KALRN: variants seen among roughly 807,000 people sequenced by gnomAD.
KALRN encodes the protein kalirin RhoGEF kinase.
In KALRN, 70 loss-of-function variants were observed where a neutral mutation model predicts 353.7. The ratio of observed to expected loss-of-function variants is 0.20; its 90% CI spans 0.16 to 0.24. The LOEUF (loss-of-function observed/expected upper bound fraction) is 0.24. Ranked by LOEUF, KALRN falls within the 10% of genes least tolerant of loss-of-function variation. The pLI is 1.00. For synonymous variants in KALRN, 1,391 were observed against 1,434.8 expected (o/e 0.97, Z 0.69); for missense variants, 2,791 against 3,756.7 (o/e 0.74, Z 6.72).
chr3:124,599,853 T>TA (rs1296329522), intron 34 of KALRN, among the ~76,000 whole-genome samples: 6 of 152,342 alleles, frequency 3.9e-5, no homozygotes, highest in African/African-American at 1.4e-4. Flanking sequence ...CAATTTAACT[T>TA]ACAGCTTCAC....
At chr3:124,113,244 T>C (rs1003644525) in intron 1 of KALRN, among the ~76,000 whole-genome samples, 2 of 152,178 alleles carry the variant, frequency 1.3e-5, no homozygotes, top group African/African-American at 4.8e-5. Flanking sequence ...GCCAATAATA[T>C]CCTATGTTTA....
chr3:124,681,271 C>T (rs2150480770), intron 51 of KALRN, among the ~76,000 whole-genome samples: 1 of 152,322 alleles, frequency 6.6e-6, no homozygotes, highest in East Asian at 1.9e-4. Context: ...CATGTGTGTG[C>T]ATATACACAT....
At chr3:124,184,214 G>A (rs1436972610) in intron 1 of KALRN, among the ~76,000 whole-genome samples, 5 of 152,192 alleles carry the variant, frequency 3.3e-5, no homozygotes, top group African/African-American at 9.7e-5. Flanking sequence ...TAGTAGCTCT[G>A]TGACCTTGAG....
chr3:124,153,889 T>C (rs2068572117), intron 1 of KALRN, among the ~76,000 whole-genome samples: 1 of 152,094 alleles, frequency 6.6e-6, no homozygotes. Context: ...CATTTTTTCA[T>C]GTGTCTTTTG....
intron 41 of KALRN, among the ~76,000 whole-genome samples, chr3:124,658,195 TC>T (rs2084333251): frequency 6.6e-6 from 1 of 152,294 alleles, no homozygotes; most frequent in African/African-American, 2.4e-5. Context: ...CTTCTGCTCT[TC>T]CTTGAGTGAC....
chr3:124,178,197 G>A lies in KALRN; in HGVS notation c.74-49793G>A, dbSNP rs186934978. On this transcript the variant is annotated intron_variant, in intron 1 of 59. Transcript: ENST00000682506. ...AAATATAGTAGTTCCCCTTTTCTGCGGGTGATACTTTCCAAGAACTTCAGT... is the reference window on the plus strand; with the variant it reads ...AAATATAGTAGTTCCCCTTTTCTGCAGGTGATACTTTCCAAGAACTTCAGT... 2.7e-3 allele frequency among the ~76,000 whole-genome samples: 406 copies of A among 152,240 alleles called. 2 individuals carry two copies. Among genetic ancestry groups the A allele is most frequent in the Non-Finnish European group, 4.6e-3 (312 of 68,018 alleles).
At chr3:124,188,348 A>G (rs1017287957) in intron 1 of KALRN, among the ~76,000 whole-genome samples, 6 of 152,166 alleles carry the variant, frequency 3.9e-5, no homozygotes, top group African/African-American at 1.4e-4. Context: ...CAGCAAGAAA[A>G]TAGTCATGAG....
chr3:124,625,225 T>G (rs936052348), intron 34 of KALRN, among the ~76,000 whole-genome samples: 1 of 152,182 alleles, frequency 6.6e-6, no homozygotes, highest in African/African-American at 2.4e-5. Flanking sequence ...CAAGGTAACC[T>G]GCCCAGAGTC....
chr3:124,235,546 A>C (rs2079651717), intron 3 of KALRN, among the ~76,000 whole-genome samples: 1 of 152,124 alleles, frequency 6.6e-6, no homozygotes, highest in Non-Finnish European at 1.5e-5. Context: ...GAGAACCACA[A>C]GATGTGAGAG....
intron 1 of KALRN, among the ~76,000 whole-genome samples, chr3:124,085,295 A>G (rs1413906387): frequency 1.3e-5 from 2 of 152,202 alleles, no homozygotes; most frequent in Admixed American, 1.3e-4. Flanking sequence ...CTGGACAGTC[A>G]CTGCCCCTTG....
chr3:124,292,457 A>T (rs2076504860), intron 5 of KALRN, among the ~76,000 whole-genome samples: 1 of 152,136 alleles, frequency 6.6e-6, no homozygotes, highest in Non-Finnish European at 1.5e-5. Flanking sequence ...TGGGGAAGGG[A>T]GAGTCTGGAA....
intron 1 of KALRN, among the ~76,000 whole-genome samples, chr3:124,129,208 A>G (rs555712069): frequency 7.2e-4 from 109 of 152,296 alleles, no homozygotes; most frequent in African/African-American, 2.6e-3. Flanking sequence ...GTGCCCCAGC[A>G]TCATGGTGGC....
intron 1 of KALRN, among the ~76,000 whole-genome samples, chr3:124,222,841 G>A (rs2078067434): frequency 6.6e-6 from 1 of 152,078 alleles, no homozygotes; most frequent in African/African-American, 2.4e-5. Flanking sequence ...CTGGGCTCAA[G>A]TTGTCTGCCT....
At chr3:124,059,312 G>A (rs963218959) in intron 1 of KALRN, among the ~76,000 whole-genome samples, 1 of 151,904 alleles carries the variant, frequency 6.6e-6, no homozygotes. Flanking sequence ...TGTATTTATG[G>A]TATACAACAT....
At chr3:124,251,367 T>C (rs10446315) in intron 3 of KALRN, among the ~76,000 whole-genome samples, 18,047 of 126,244 alleles carry the variant, frequency 0.14, 1,245 homozygotes, top group East Asian at 0.37. Context: ...TTTTTTTTTT[T>C]TTTCTTTTTT....
At chr3:124,636,111 A>G (rs189202849) in intron 36 of KALRN, among the ~76,000 whole-genome samples, 1 of 152,338 alleles carries the variant, frequency 6.6e-6, no homozygotes, top group Admixed American at 6.5e-5. Flanking sequence ...TTCCTTAATT[A>G]TAATTATTTT....
intron 6 of KALRN, among the ~76,000 whole-genome samples, chr3:124,321,810 A>G (rs2079369034): frequency 6.6e-6 from 1 of 152,236 alleles, no homozygotes; most frequent in African/African-American, 2.4e-5. Flanking sequence ...AAGATGGGGC[A>G]GATAATGCAA....
chr3:124,541,639 C>A (rs2069043884), intron 33 of KALRN, among the ~76,000 whole-genome samples: 1 of 151,198 alleles, frequency 6.6e-6, no homozygotes. Flanking sequence ...GTAATCCCAG[C>A]ACTTTGGGAT....
intron 10 of KALRN, among the ~76,000 whole-genome samples, chr3:124,372,906 C>CGGTTTCAATGGTAAATTAGT (rs1553934403): frequency 6.6e-6 from 1 of 151,788 alleles, no homozygotes; most frequent in African/African-American, 2.4e-5. Context: ...CTTGGATGAG[C>CGGTTTCAATGGTAAATTAGT]GGTTTCAATG....
Sources: gnomAD v4.1 joint callset for allele counts (sites outside exome capture counted in the v4.1 genomes callset) on GRCh38, gnomAD v4.1.1 for gene constraint, MANE v1.5 for transcripts, NCBI Gene and HGNC (gene_info 2026-07-23, HGNC 2026-07-21) for gene names.